Variants in FBXO11 observed in about 807,000 individuals in gnomAD.
The protein encoded by FBXO11 is F-box only protein 11.
FBXO11 carries 13 observed loss-of-function variants against 117.0 expected under a neutral mutation model. The observed-to-expected ratio is 0.11, with a 90% CI of 0.07 to 0.18. The LOEUF (loss-of-function observed/expected upper bound fraction) is 0.18. FBXO11 is among the 10% of genes least tolerant of loss of function. The pLI is 1.00. For synonymous variants in FBXO11, 490 were observed against 380.5 expected (o/e 1.29, Z -3.35); for missense variants, 767 against 1,164.4 (o/e 0.66, Z 4.97).
chr2:47,879,875 G>A (rs1266912261), intron 1 of FBXO11, among the ~76,000 whole-genome samples: 1 of 152,098 alleles, frequency 6.6e-6, no homozygotes, highest in African/African-American at 2.4e-5. Context: ...TTTTGTGACT[G>A]GCTTTCACTT....
At chr2:47,808,477 A>C (rs1204812578) in intron 21 of FBXO11, 50 bp from the exon 22 acceptor site, 2 of 1,468,854 alleles carry the variant, frequency 1.4e-6, no homozygotes, top group African/African-American at 2.8e-5. Context: ...CATTAATGCA[A>C]AACATTCCAT....
rs761941908 is a variant in FBXO11 at position 47,832,949 on chromosome 2, C to A, written c.1041+15G>T. The A allele has an allele frequency of 6.2e-7, 1 of 1,605,462 alleles. No individual in the cohort carries two copies. The highest frequency in any genetic ancestry group is 8.5e-7 in the Non-Finnish European group (1 of 1,172,326). On this transcript the variant is annotated intron_variant, in intron 8 of 22. Transcript: ENST00000403359. ...TATGATTTCAATGTGTATTTTAAAT[C>A]TTAACATGTCTTACCCTTATTGTCA...
At chr2:47,880,179 G>A (rs1398310966) in intron 1 of FBXO11, among the ~76,000 whole-genome samples, 1 of 151,930 alleles carries the variant, frequency 6.6e-6, no homozygotes, top group Non-Finnish European at 1.5e-5. Context: ...TGTATTTTTG[G>A]TAGAGTCAGG....
At chr2:47,810,488 G>A (rs1409300483) in intron 18 of FBXO11, 62 bp from the exon 19 acceptor site, 19 of 1,031,374 alleles carry the variant, frequency 1.8e-5, no homozygotes, top group Non-Finnish European at 2.5e-5. Context: ...AACCTTTTTG[G>A]TGGTATTTAG....
intron 1 of FBXO11, among the ~76,000 whole-genome samples, chr2:47,897,685 A>G (rs1677778200): frequency 7.3e-6 from 1 of 137,156 alleles, no homozygotes; most frequent in Non-Finnish European, 1.5e-5. Context: ...TGACAGAGTG[A>G]GACTGTGTCT....
rs1168529717 is a variant in FBXO11 at position 47,834,796 on chromosome 2, T to A, written c.793A>T (p.Asn265Tyr). The A allele has an allele frequency of 6.2e-7, 1 of 1,612,642 alleles. No homozygotes were observed. The highest frequency in any genetic ancestry group is 1.3e-5 in the African/African-American group (1 of 74,860). ...SNPARYKGRE[N>Y]MLYYDTIEDA... ...ATAAAAATCAAACATACCAACATAT[T>A]TTCTCTTCCTTTATATCTTGCAGGG... is the stretch of plus-strand genomic sequence containing the variant. The change falls in exon 6 of 23, where the codon AAT becomes TAT. Residue 265 changes from asparagine to tyrosine, a missense_variant. Coordinates refer to ENST00000403359, the MANE Select transcript of FBXO11 (RefSeq NM_001190274.2).
At chr2:47,888,124 C>T (rs77322801) in intron 1 of FBXO11, among the ~76,000 whole-genome samples, 3 of 152,182 alleles carry the variant, frequency 2.0e-5, no homozygotes, top group Middle Eastern at 3.4e-3. Flanking sequence ...CCGCTCACTT[C>T]GCACTTACAC....
intron 1 of FBXO11, among the ~76,000 whole-genome samples, chr2:47,870,434 A>G (rs1486912411): frequency 6.6e-6 from 1 of 152,162 alleles, no homozygotes; most frequent in Admixed American, 6.6e-5. Flanking sequence ...AAGTTAAGGG[A>G]GGTCTTTAGG....
rs1017765502 is a variant in FBXO11 at position 47,808,049 on chromosome 2, ATCT to A, written c.*66_*68del. 3.6e-4 allele frequency: 505 copies of A among 1,386,238 alleles called. 2 individuals are homozygous for A. Among genetic ancestry groups the A allele is most frequent in the Middle Eastern group, 1.7e-3 (9 of 5,174 alleles). The allele number at this position is 1,386,238 out of a possible 1,614,324, so 85.9% of individuals were successfully genotyped here. ...CCTGTAGCATGGGCAAATATTTTAAATCTTCTTCCAAAAAAGTGTTTTAAGTTA... is the reference window on the plus strand; with the variant it reads ...CCTGTAGCATGGGCAAATATTTTAAATCTTCCAAAAAAGTGTTTTAAGTTA... On this transcript the variant is annotated 3_prime_UTR_variant, in exon 23 of 23. Transcript: ENST00000403359.
intron 1 of FBXO11, among the ~76,000 whole-genome samples, chr2:47,875,190 G>T (rs930606590): frequency 6.6e-6 from 1 of 152,102 alleles, no homozygotes; most frequent in African/African-American, 2.4e-5. Flanking sequence ...AAGAGTAATT[G>T]TAAGTTGTAT....
intron 1 of FBXO11, among the ~76,000 whole-genome samples, chr2:47,894,915 C>T (rs1321169653): frequency 6.6e-6 from 1 of 152,110 alleles, no homozygotes; most frequent in East Asian, 1.9e-4. Context: ...AAGGTTAACA[C>T]TGTAAGCCTC....
intron 13 of FBXO11, 72 bp downstream of exon 13, chr2:47,822,146 G>T: frequency 9.5e-7 from 1 of 1,048,280 alleles, no homozygotes; most frequent in Non-Finnish European, 1.4e-6. Flanking sequence ...GTTTCAAAAT[G>T]TTCCATCATT....
At chr2:47,878,206 G>A (rs1676153651) in intron 1 of FBXO11, among the ~76,000 whole-genome samples, 1 of 152,116 alleles carries the variant, frequency 6.6e-6, no homozygotes. Context: ...AAAACAGGCT[G>A]TTCATCTCCC....
chr2:47,843,677 T>G (rs906651942), intron 1 of FBXO11, among the ~76,000 whole-genome samples: 1 of 152,228 alleles, frequency 6.6e-6, no homozygotes, highest in African/African-American at 2.4e-5. Context: ...CTAGTATTTT[T>G]TAAATCCTTT....
intron 1 of FBXO11, among the ~76,000 whole-genome samples, chr2:47,859,899 C>T (rs958574973): frequency 2.0e-5 from 3 of 152,120 alleles, no homozygotes; most frequent in African/African-American, 7.2e-5. Flanking sequence ...AAGCTATTTT[C>T]TAGAATAAGT....
chr2:47,834,947 G>C (rs1377944443), intron 5 of FBXO11, 76 bp from the exon 6 acceptor site: 2 of 993,446 alleles, frequency 2.0e-6, no homozygotes, highest in Non-Finnish European at 3.0e-6. Flanking sequence ...ACAATTGCAT[G>C]AACAACTTTT....
intron 1 of FBXO11, among the ~76,000 whole-genome samples, chr2:47,899,235 C>T (rs2104042552): frequency 7.0e-6 from 1 of 142,456 alleles, no homozygotes; most frequent in African/African-American, 2.6e-5. Flanking sequence ...AATCGCGCCA[C>T]TGTACTCCAG....
Position 47,897,961 on chromosome 2 carries a change from T to C in FBXO11, c.232+7528A>G, listed in dbSNP as rs559872732. Among the ~76,000 whole-genome samples the C allele has an allele frequency of 1.5e-3, 230 of 152,272 alleles. 1 individual carries two copies. The highest frequency in any genetic ancestry group is 6.8e-3 in the Middle Eastern group (2 of 294). On this transcript the variant is annotated intron_variant, in intron 1 of 22. Coordinates refer to ENST00000403359, the MANE Select transcript of FBXO11 (RefSeq NM_001190274.2). The stretch of plus-strand genomic sequence containing the variant: ...AGGATGAATGACACCTCTTCTCTCA[T>C]GAGATGTGAAAATATTCCTTAATGT...
chr2:47,892,856 C>T (rs1324001472), intron 1 of FBXO11, among the ~76,000 whole-genome samples: 2 of 151,906 alleles, frequency 1.3e-5, no homozygotes, highest in African/African-American at 2.4e-5. Flanking sequence ...CTTATCTAGG[C>T]GTTTTTTTTT....
Sources: allele counts gnomAD v4.1 joint callset (sites outside exome capture counted in the v4.1 genomes callset), GRCh38; gene constraint gnomAD v4.1.1; transcripts MANE v1.5; gene names NCBI Gene and HGNC (gene_info 2026-07-23, HGNC 2026-07-21).